The following PIP5K1B variants were observed in gnomAD, a reference collection of about 807,000 sequenced individuals.
The protein encoded by PIP5K1B is phosphatidylinositol 4-phosphate 5-kinase type-1 beta.
PIP5K1B carries 42 observed loss-of-function variants against 67.0 expected under a neutral mutation model. That is an observed-to-expected ratio of 0.63 (90% CI 0.49 to 0.81). PIP5K1B has a LOEUF of 0.81. Among genes scored for constraint, PIP5K1B ranks in the 30% least tolerant of loss-of-function variants. The pLI is 0.00. For synonymous variants in PIP5K1B, 214 were observed against 231.4 expected (o/e 0.92, Z 0.68); for missense variants, 459 against 646.3 (o/e 0.71, Z 3.14).
intron 14 of PIP5K1B, among the ~76,000 whole-genome samples, chr9:68,989,049 C>G (rs71503649): frequency 2.2e-5 from 3 of 133,760 alleles, no homozygotes; most frequent in Admixed American, 8.2e-5. Context: ...GAGCGAAGAC[C>G]GTGCCATTGC....
chr9:68,978,091 ACAT>A (rs1254837867), intron 14 of PIP5K1B, among the ~76,000 whole-genome samples: 1 of 152,246 alleles, frequency 6.6e-6, no homozygotes, highest in African/African-American at 2.4e-5. Context: ...AATGATTACC[ACAT>A]CAAGCCAATT....
chr9:68,926,920 C>G (rs1826735278), intron 12 of PIP5K1B, among the ~76,000 whole-genome samples: 1 of 152,078 alleles, frequency 6.6e-6, no homozygotes, highest in African/African-American at 2.4e-5. Flanking sequence ...AACCCCATAC[C>G]CATTAGCAGT....
intron 15 of PIP5K1B, among the ~76,000 whole-genome samples, chr9:69,004,320 CGTGTGTGTGTGTGTTTTT>C (rs1380369239): frequency 7.6e-6 from 1 of 131,544 alleles, no homozygotes; most frequent in Non-Finnish European, 1.6e-5. Flanking sequence ...CCTTTGTGGG[CGTGTGTGTGTGTGTTTTT>C]GTGTGTGTGT....
At chr9:68,711,143 T>A (rs1587324557) in intron 1 of PIP5K1B, among the ~76,000 whole-genome samples, 1 of 152,100 alleles carries the variant, frequency 6.6e-6, no homozygotes, top group Non-Finnish European at 1.5e-5. Context: ...AAGGGGTTTG[T>A]GGGGGAGGAT....
At chr9:68,783,852 G>A (rs1055490145) in intron 2 of PIP5K1B, 9 of 166,994 alleles carry the variant, frequency 5.4e-5, no homozygotes, top group African/African-American at 9.7e-5. Context: ...TTAAAATTGC[G>A]GACCTGATCC....
intron 2 of PIP5K1B, among the ~76,000 whole-genome samples, chr9:68,749,638 A>G (rs1829518364): frequency 6.6e-6 from 1 of 152,206 alleles, no homozygotes; most frequent in Non-Finnish European, 1.5e-5. Flanking sequence ...AAGTCCTTCT[A>G]TCAAAGGTGT....
intron 5 of PIP5K1B, among the ~76,000 whole-genome samples, chr9:68,867,231 G>A (rs796557483): frequency 2.0e-5 from 3 of 151,540 alleles, no homozygotes; most frequent in South Asian, 4.2e-4. Flanking sequence ...TTATTGTCCC[G>A]GTTTGGCTCT....
At chr9:68,723,695 G>GTTTTTTTTTTTTTTTTTTTTTTTTTTTT (rs36021674) in intron 1 of PIP5K1B, among the ~76,000 whole-genome samples, 1 of 50,132 alleles carries the variant, frequency 2.0e-5, no homozygotes, top group Non-Finnish European at 3.6e-5. Flanking sequence ...GAAGTATTTG[G>GTTTTTTTTTTTTTTTTTTTTTTTTTTTT]TTTTTTTTTT....
chr9:68,787,529 T>C (rs1406330983), intron 2 of PIP5K1B, among the ~76,000 whole-genome samples: 1 of 152,236 alleles, frequency 6.6e-6, no homozygotes, highest in Non-Finnish European at 1.5e-5. Context: ...CTCGTAACTC[T>C]TCTTTAATTC....
At chr9:68,753,710 G>T (rs1829764318) in intron 2 of PIP5K1B, among the ~76,000 whole-genome samples, 1 of 151,944 alleles carries the variant, frequency 6.6e-6, no homozygotes, top group Non-Finnish European at 1.5e-5. Context: ...ATTTTTAGTA[G>T]AGACGGGGTT....
chr9:68,720,460 G>T (rs965268337), intron 1 of PIP5K1B, among the ~76,000 whole-genome samples: 4 of 151,954 alleles, frequency 2.6e-5, no homozygotes, highest in African/African-American at 9.7e-5. Flanking sequence ...TAAAAATTCA[G>T]TCCACCTCCC....
intron 2 of PIP5K1B, chr9:68,789,160 G>A (rs937387689): frequency 1.6e-5 from 9 of 574,440 alleles, no homozygotes; most frequent in African/African-American, 3.8e-5. Flanking sequence ...CCAGTACCTC[G>A]CCAAGGCACC....
At chr9:68,913,851 C>T (rs1010004234) in intron 8 of PIP5K1B, among the ~76,000 whole-genome samples, 3 of 151,698 alleles carry the variant, frequency 2.0e-5, no homozygotes, top group African/African-American at 7.3e-5. Context: ...AAAGTTAATT[C>T]TCTCTTGGAA....
At chr9:68,965,445 T>G (rs1828970505) in intron 14 of PIP5K1B, 1 of 152,170 alleles carries the variant, frequency 6.6e-6, no homozygotes, top group South Asian at 2.1e-4. Flanking sequence ...AGGCTGGGAA[T>G]GACTTAAGGA....
At chr9:68,815,470 GA>G (rs892702280) in intron 2 of PIP5K1B, among the ~76,000 whole-genome samples, 1 of 151,682 alleles carries the variant, frequency 6.6e-6, no homozygotes, top group African/African-American at 2.4e-5. Context: ...TAGGAATGAG[GA>G]AAAAAAATTG....
chr9:68,936,822 T>C (rs1276120444), intron 13 of PIP5K1B, among the ~76,000 whole-genome samples: 1 of 152,170 alleles, frequency 6.6e-6, no homozygotes, highest in Non-Finnish European at 1.5e-5. Context: ...TCTCCCACAC[T>C]ATACTACCTG....
chr9:68,865,795 G>C (rs551047384), intron 5 of PIP5K1B, among the ~76,000 whole-genome samples: 4 of 152,158 alleles, frequency 2.6e-5, no homozygotes, highest in Non-Finnish European at 5.9e-5. Context: ...TCTGTGGGTG[G>C]GAACCAGGAA....
chr9:68,766,610 G>A (rs1830439548), intron 2 of PIP5K1B, among the ~76,000 whole-genome samples: 1 of 152,184 alleles, frequency 6.6e-6, no homozygotes, highest in South Asian at 2.1e-4. Flanking sequence ...AGGTAGGTAT[G>A]TACACAGATA....
At chr9:68,990,631 A>G (rs1334596589) in intron 14 of PIP5K1B, among the ~76,000 whole-genome samples, 1 of 148,128 alleles carries the variant, frequency 6.8e-6, no homozygotes, top group Non-Finnish European at 1.5e-5. Flanking sequence ...GTGTGCTGGT[A>G]GAGAGAGAAA....
Sources: allele counts gnomAD v4.1 joint callset (sites outside exome capture counted in the v4.1 genomes callset), GRCh38; gene constraint gnomAD v4.1.1; transcripts MANE v1.5; gene names NCBI Gene and HGNC (gene_info 2026-07-23, HGNC 2026-07-21).